The following CDHR3 variants were observed in gnomAD, a reference collection of about 807,000 sequenced individuals.
CDHR3 encodes the protein cadherin-related family member 3.
In CDHR3, 79 loss-of-function variants were observed where a neutral mutation model predicts 86.6. The observed-to-expected ratio is 0.91, with a 90% CI of 0.76 to 1.10. The LOEUF is 1.10. CDHR3 is among the 50% of genes least tolerant of loss of function. The pLI, the probability that CDHR3 is intolerant of heterozygous loss-of-function variation, is 0.00. For synonymous variants in CDHR3, 421 were observed against 402.4 expected (o/e 1.05, Z -0.55); for missense variants, 1,081 against 1,077.6 (o/e 1.00, Z -0.04).
At chr7:106,029,469 A>C (rs1837991962) in intron 17 of CDHR3, among the ~76,000 whole-genome samples, 1 of 151,968 alleles carries the variant, frequency 6.6e-6, no homozygotes, top group South Asian at 2.1e-4. Context: ...CAGATGGAGA[A>C]ATAGTTTGAA....
chr7:106,006,767 T>C (rs1833996212), intron 8 of CDHR3, among the ~76,000 whole-genome samples: 1 of 152,182 alleles, frequency 6.6e-6, no homozygotes, highest in African/African-American at 2.4e-5. Flanking sequence ...TCCAGGTGCA[T>C]GGTGCTAGCT....
chr7:106,026,806 T>C, intron 16 of CDHR3, 111 bp downstream of exon 16: 3 of 1,104,158 alleles, frequency 2.7e-6, no homozygotes, highest in Non-Finnish European at 4.1e-6. Context: ...TCTTGGAGCA[T>C]TTTCAGCTGC....
At chr7:106,001,228 T>C (rs1833121645) in intron 6 of CDHR3, among the ~76,000 whole-genome samples, 1 of 152,164 alleles carries the variant, frequency 6.6e-6, no homozygotes. Flanking sequence ...CTGTGGCCCA[T>C]GTAAATTGTT....
Position 106,018,455 on chromosome 7 carries a change from C to T in CDHR3, c.1653+383C>T, listed in dbSNP as rs1001080921. 3.9e-5 allele frequency among the ~76,000 whole-genome samples: 6 copies of T among 152,112 alleles called. No homozygotes were observed. The East Asian group carries it at 5.8e-4, about 15-fold the overall frequency. ...TTCTCCATGTTGGCCAGGCTGGTCT[C>T]GAACTCCTGACCTCAAGTAATCCAC... On this transcript the variant is annotated intron_variant, in intron 12 of 18. Coordinates refer to ENST00000317716, the MANE Select transcript of CDHR3 (RefSeq NM_152750.5).
intron 5 of CDHR3, among the ~76,000 whole-genome samples, chr7:105,995,876 G>A (rs1026352987): frequency 3.9e-5 from 6 of 152,124 alleles, no homozygotes; most frequent in Non-Finnish European, 8.8e-5. Context: ...CTGGCTCTGC[G>A]TCGGGTGTGG....
rs1837063261 is a variant in CDHR3, at chr7:106,024,499, T to A, written c.2195T>A (p.Val732Asp). The A allele has an allele frequency of 1.9e-6, 3 of 1,614,024 alleles. No homozygotes were observed. Among genetic ancestry groups the A allele is most frequent in the Non-Finnish European group, 2.5e-6 (3 of 1,179,890 alleles). ...LLLGLLVYLV[V>D]LLAKAIHRHC... ...CTGGGTCTCCTCGTGTACCTGGTCG[T>A]CCTATTGGCCAAAGCCATCCACAGA... Residue 732 changes from valine to aspartate, a missense_variant, in exon 15 of 19, where the codon GTC (valine) becomes GAC (aspartate). By Grantham distance (152) the Val-to-Asp change is radical. Coordinates refer to ENST00000317716, the MANE Select transcript of CDHR3 (RefSeq NM_152750.5).
chr7:105,969,660 C>T (rs1421480687), intron 1 of CDHR3, among the ~76,000 whole-genome samples: 1 of 152,202 alleles, frequency 6.6e-6, no homozygotes, highest in Non-Finnish European at 1.5e-5. Context: ...TGTTCCTGAT[C>T]CAAGACAGTG....
At position 106,024,513 on chromosome 7, in the gene CDHR3, G is replaced by A. The variant is rs753877663; in HGVS notation, c.2209G>A (p.Ala737Thr). The A allele has an allele frequency of 2.4e-5, 39 of 1,614,052 alleles. No individual in the cohort carries two copies. The highest frequency in any genetic ancestry group is 1.7e-4 in the Middle Eastern group (1 of 6,060). The change falls in exon 15 of 19, where the codon GCC becomes ACC. Residue 737 changes from alanine to threonine, a missense_variant. Physicochemically the swap from Ala to Thr is moderately conservative, Grantham distance 58. Transcript: ENST00000317716. ...LVYLVVLLAK[A>T]IHRHCPCKTG... The stretch of plus-strand genomic sequence containing the variant: ...GTACCTGGTCGTCCTATTGGCCAAA[G>A]CCATCCACAGACACTGCCCCTGCAA...
chr7:106,000,456 G>C (rs1832967793), intron 6 of CDHR3, among the ~76,000 whole-genome samples: 1 of 152,214 alleles, frequency 6.6e-6, no homozygotes, highest in Non-Finnish European at 1.5e-5. Context: ...AATATTCTGA[G>C]CTCACGAAAG....
chr7:105,976,081 G>A (rs1313462015), intron 2 of CDHR3, among the ~76,000 whole-genome samples: 1 of 152,124 alleles, frequency 6.6e-6, no homozygotes, highest in East Asian at 1.9e-4. Context: ...TGCAGCATGC[G>A]GTTTACATTC....
At chr7:106,023,201 C>A (rs1026711138) in intron 14 of CDHR3, among the ~76,000 whole-genome samples, 1 of 152,192 alleles carries the variant, frequency 6.6e-6, no homozygotes, top group African/African-American at 2.4e-5. Context: ...GATGCTGGAA[C>A]CTGGAATCCC....
chr7:105,969,398 A>AT (rs1827566442), intron 1 of CDHR3, among the ~76,000 whole-genome samples: 2 of 19,290 alleles, frequency 1.0e-4, no homozygotes, highest in African/African-American at 2.3e-4. Flanking sequence ...ACTCCGTCTC[A>AT]AAAAAAAAAA....
Position 106,033,567 on chromosome 7 carries a change from T to G in CDHR3, c.*870T>G, listed in dbSNP as rs1471343928. The stretch of plus-strand genomic sequence containing the variant: ...CAGCCTGGCCTAGATGGCAAAACCC[T>G]GTCTCTACTAAAAAATACAAAAATT... On this transcript the variant is annotated 3_prime_UTR_variant, in exon 19 of 19. Transcript: ENST00000317716. The G allele has an allele frequency of 6.6e-6, 1 of 152,166 alleles. No individual in the cohort carries two copies. The highest frequency in any genetic ancestry group is 2.4e-5 in the African/African-American group (1 of 41,434). The allele number at this position is 152,166 out of a possible 1,614,324, so 9.4% of individuals were successfully genotyped here. A position where few individuals can be genotyped will look rare whatever the true frequency, so the allele number is the denominator to read the frequency against.
chr7:105,985,660 T>TA lies in CDHR3; in HGVS notation c.513+1383dup, dbSNP rs779792800. Among the ~76,000 whole-genome samples, 678 of 146,954 alleles carry TA rather than the reference T, an allele frequency of 4.6e-3. 3 individuals carry two copies. The highest frequency in any genetic ancestry group is 6.9e-3 in the African/African-American group (277 of 40,238). On this transcript the variant is annotated intron_variant, in intron 4 of 18. Coordinates refer to ENST00000317716, the MANE Select transcript of CDHR3 (RefSeq NM_152750.5). ...TTTATTAGAAGATGATCCTTCTGTG[T>TA]AAAAAAAAAAAATCACCCATTCATT...
intron 14 of CDHR3, 65 bp from the exon 15 acceptor site, chr7:106,024,316 G>A (rs1454020463): frequency 7.2e-7 from 1 of 1,389,838 alleles, no homozygotes; most frequent in Non-Finnish European, 1.0e-6. Flanking sequence ...CTCAACACGA[G>A]AGAGTGCTGA....
chr7:106,018,610 C>T (rs1836033548), intron 12 of CDHR3, among the ~76,000 whole-genome samples: 1 of 152,168 alleles, frequency 6.6e-6, no homozygotes, highest in Non-Finnish European at 1.5e-5. Context: ...ATTAGAATGT[C>T]TGGTGGACCC....
At chr7:106,028,630 G>A (rs763747653) in intron 17 of CDHR3, 48 bp downstream of exon 17, 2 of 1,607,640 alleles carry the variant, frequency 1.2e-6, no homozygotes, top group South Asian at 1.1e-5. Context: ...TGGGGGATAG[G>A]GGCTCCCGTC....
chr7:106,018,867 T>A (rs1418742998), intron 12 of CDHR3, among the ~76,000 whole-genome samples: 2 of 152,064 alleles, frequency 1.3e-5, no homozygotes, highest in East Asian at 3.8e-4. Context: ...AGAATGTTGT[T>A]ACAGGCAGAT....
intron 4 of CDHR3, among the ~76,000 whole-genome samples, chr7:105,992,793 A>T (rs1472378640): frequency 6.6e-6 from 1 of 152,226 alleles, no homozygotes; most frequent in African/African-American, 2.4e-5. Context: ...AAAAGAACAG[A>T]AGGCTAATCA....
Sources: allele counts gnomAD v4.1 joint callset (sites outside exome capture counted in the v4.1 genomes callset), GRCh38; gene constraint gnomAD v4.1.1; transcripts MANE v1.5; gene names NCBI Gene and HGNC (gene_info 2026-07-23, HGNC 2026-07-21).